The following CCL23 variants were observed in gnomAD, a reference collection of about 807,000 sequenced individuals.
The protein encoded by CCL23 is C-C motif chemokine ligand 23, also known as C-C motif chemokine 23.
In CCL23, 10 loss-of-function variants were observed where a neutral mutation model predicts 11.8. The ratio of observed to expected loss-of-function variants is 0.84; its 90% CI spans 0.52 to 1.43. The LOEUF (loss-of-function observed/expected upper bound fraction) is 1.43, where lower values mean the gene tolerates loss of function less well. Ranked by LOEUF, CCL23 falls within the 40% of genes most tolerant of loss-of-function variation. CCL23 has a pLI of 0.00. For missense variants in CCL23, 181 were observed against 170.9 expected (o/e 1.06, Z -0.33); for synonymous variants, 60 against 61.0 (o/e 0.98, Z 0.07).
intron 1 of CCL23, among the ~76,000 whole-genome samples, chr17:36,016,342 G>A (rs1476874451): frequency 6.6e-6 from 1 of 151,926 alleles, no homozygotes; most frequent in Non-Finnish European, 1.5e-5. Context: ...CTCCCCGATA[G>A]GCCCCAGTGT....
chr17:36,016,991 A>G (rs913024132), intron 1 of CCL23, among the ~76,000 whole-genome samples: 1 of 152,022 alleles, frequency 6.6e-6, no homozygotes, highest in Non-Finnish European at 1.5e-5. Flanking sequence ...GTAATGAGAC[A>G]TGTGGGTATA....
At chr17:36,017,694 G>A in intron 1 of CCL23, 128 bp downstream of exon 1, 1 of 841,078 alleles carries the variant, frequency 1.2e-6, no homozygotes, top group Non-Finnish European at 1.9e-6. Context: ...ATACTCTGGT[G>A]CTGCTTTTAA....
rs578235277 is a variant in CCL23, at chr17:36,014,432, G to A, written c.77-39C>T. The A allele has an allele frequency of 1.4e-5, 22 of 1,541,350 alleles. No individual in the cohort carries two copies. In the South Asian group the frequency reaches 2.0e-4, roughly 14 times the overall value. On this transcript the variant is annotated intron_variant, in intron 1 of 3. Coordinates refer to ENST00000615050, the MANE Select transcript of CCL23 (RefSeq NM_005064.6). Reference sequence around the variant, plus strand: ...ACAGGACAGGGAAGGAAATCACTGGGCGGCAGCATTGTTTCAGCATCTCCA... The same window carrying A: ...ACAGGACAGGGAAGGAAATCACTGGACGGCAGCATTGTTTCAGCATCTCCA...
At chr17:36,015,068 A>G (rs578202104) in intron 1 of CCL23, among the ~76,000 whole-genome samples, 20 of 152,270 alleles carry the variant, frequency 1.3e-4, no homozygotes, top group Admixed American at 5.2e-4. Flanking sequence ...CCGTTCATTC[A>G]TTTTGTGAAA....
Position 36,017,822 on chromosome 17 carries a change from C to T in CCL23, c.76G>A (p.Asp26Asn). The T allele has an allele frequency of 6.2e-7, 1 of 1,614,086 alleles. No individual in the cohort carries two copies. Among genetic ancestry groups the T allele is most frequent in the Non-Finnish European group, 8.5e-7 (1 of 1,179,990 alleles). Reference sequence around the variant, plus strand: ...CTGAGAGAAAGCTCACTGGACTCACCTTTTGTGACCCGGGCCTGGGATCCA... The same window carrying T: ...CTGAGAGAAAGCTCACTGGACTCACTTTTTGTGACCCGGGCCTGGGATCCA... Reference protein sequence around the residue: ...ALGSQARVTKDAETEFMMSKL... With the variant: ...ALGSQARVTKNAETEFMMSKL... The change falls in exon 1 of 4, where the codon GAT becomes AAT. Residue 26 changes from aspartate to asparagine, a missense_variant and splice_region_variant. Coordinates refer to ENST00000615050, the MANE Select transcript of CCL23 (RefSeq NM_005064.6).
chr17:36,015,059 C>A (rs1183446307), intron 1 of CCL23, among the ~76,000 whole-genome samples: 1 of 152,032 alleles, frequency 6.6e-6, no homozygotes, highest in South Asian at 2.1e-4. Flanking sequence ...TTTTCACGGC[C>A]GTTCATTCAT....
Position 36,013,751 on chromosome 17 carries a change from C to T in CCL23, c.295G>A (p.Gly99Ser), listed in dbSNP as rs1192636143. 2 of 1,613,976 alleles carry T rather than the reference C, an allele frequency of 1.2e-6. No homozygotes were observed. Among genetic ancestry groups the T allele is most frequent in the African/African-American group, 2.7e-5 (2 of 74,910 alleles). The change falls in exon 3 of 4, where the codon GGT becomes AGT. Residue 99 changes from glycine to serine, a missense_variant. Gly to Ser is a moderately conservative substitution (Grantham distance 56, BLOSUM62 0). Coordinates refer to ENST00000615050, the MANE Select transcript of CCL23 (RefSeq NM_005064.6). The part of the protein sequence containing the change: ...FETNSECSKP[G>S]VIFLTKKGRR... Reference sequence around the variant, plus strand: ...GGTGAGCTTGGCACCTACATGACACCCGGCTTGGAGCACTCGCTGTTCGTT... The same window carrying T: ...GGTGAGCTTGGCACCTACATGACACTCGGCTTGGAGCACTCGCTGTTCGTT...
Position 36,013,767 on chromosome 17 carries a change from G to T in CCL23, c.279C>A (p.Ser93Arg). 1 of 1,614,150 alleles carries T rather than the reference G, an allele frequency of 6.2e-7. No individual in the cohort carries two copies. The highest frequency in any genetic ancestry group is 8.5e-7 in the Non-Finnish European group (1 of 1,180,010). Residue 93 changes from serine (S) to arginine (R), a missense_variant, in exon 3 of 4, where the codon AGC (serine) becomes AGA (arginine). By Grantham distance (110) the Ser-to-Arg change is moderately radical. Coordinates refer to ENST00000615050, the MANE Select transcript of CCL23 (RefSeq NM_005064.6). ...ACATGACACCCGGCTTGGAGCACTC[G>T]CTGTTCGTTTCAAAGTAACTCTCCA... ...SLLESYFETN[S>R]ECSKPGVIFL...
In CCL23 at chr17:36,013,229, G is replaced by C. The variant is rs527342285; in HGVS notation, c.382C>G (p.Leu128Val). 1.9e-5 allele frequency: 31 copies of C among 1,613,134 alleles called. 1 individual carries two copies. In the South Asian group the frequency reaches 2.9e-4, roughly 15 times the overall value. Residue 128 changes from leucine to valine, a missense_variant, in exon 4 of 4, where the codon CTG becomes GTG. Transcript: ENST00000615050. ...QVQVCMRMLK[L>V]DTRIKTRKN is the part of the protein sequence containing the mutation. Reference sequence around the variant, plus strand: ...TTCCTGGTCTTGATCCGTGTGTCCAGCTTCAGCATTCTCATGCAAACCTGA... The same window carrying C: ...TTCCTGGTCTTGATCCGTGTGTCCACCTTCAGCATTCTCATGCAAACCTGA...
chr17:36,015,202 C>G (rs1184617224), intron 1 of CCL23, among the ~76,000 whole-genome samples: 3 of 152,182 alleles, frequency 2.0e-5, no homozygotes, highest in Admixed American at 1.3e-4. Flanking sequence ...GAATCATACA[C>G]TATTTGTCCT....
In CCL23 at chr17:36,013,439, C is replaced by A. The variant is rs142441594; in HGVS notation, c.303-131G>T. The A allele has an allele frequency of 6.3e-6, 4 of 638,110 alleles. No homozygotes were observed. The East Asian group carries it at 1.1e-4, about 17-fold the overall frequency. The allele number at this position is 638,110 out of a possible 1,614,324, so 39.5% of individuals were successfully genotyped here. The stretch of plus-strand genomic sequence containing the variant: ...GTTTTTTTTTCTTTTTTTTTTCATT[C>A]TCTGCTGATGGCAGCTCAGGGCCAT... On this transcript the variant is annotated intron_variant, in intron 3 of 3. Coordinates refer to ENST00000615050, the MANE Select transcript of CCL23 (RefSeq NM_005064.6).
chr17:36,016,257 C>T (rs1288099523), intron 1 of CCL23, among the ~76,000 whole-genome samples: 1 of 151,912 alleles, frequency 6.6e-6, no homozygotes, highest in African/African-American at 2.4e-5. Context: ...GTTTGCTGTA[C>T]CTATCAACCC....
At chr17:36,017,670 AC>A in intron 1 of CCL23, 151 bp downstream of exon 1, 1 of 701,046 alleles carries the variant, frequency 1.4e-6, no homozygotes, top group Non-Finnish European at 2.4e-6. Flanking sequence ...AAGCCTGCAG[AC>A]AGAACCAGGT....
rs1309544977 is a variant in CCL23 at position 36,013,898 on chromosome 17, T to C, written c.148A>G (p.Arg50Gly). ...AGGGTCATCTGAGGACCAATCTTTCTCCTCCAGAGCACTGTGGAGGGTGAG... is the reference window on the plus strand; with the variant it reads ...AGGGTCATCTGAGGACCAATCTTTCCCCTCCAGAGCACTGTGGAGGGTGAG... Reference protein sequence around the residue: ...NPVLLDMLWRRKIGPQMTLSH... With the variant: ...NPVLLDMLWRGKIGPQMTLSH... Residue 50 changes from arginine to glycine, a missense_variant, in exon 3 of 4, where the codon AGA becomes GGA. Coordinates refer to ENST00000615050, the MANE Select transcript of CCL23 (RefSeq NM_005064.6). The C allele has an allele frequency of 1.2e-6, 2 of 1,614,000 alleles. No homozygotes were observed. The highest frequency in any genetic ancestry group is 1.7e-6 in the Non-Finnish European group (2 of 1,180,004).
chr17:36,017,755 G>T, intron 1 of CCL23, 67 bp downstream of exon 1: 1 of 1,436,190 alleles, frequency 7.0e-7, no homozygotes, highest in Non-Finnish European at 9.8e-7. Context: ...GGAGGGCAAT[G>T]TGTCTCTGCC....
At chr17:36,014,031 A>G in intron 2 of CCL23, 122 bp from the exon 3 acceptor site, 1 of 995,498 alleles carries the variant, frequency 1.0e-6, no homozygotes, top group South Asian at 1.5e-5. Flanking sequence ...GAGGGCACTC[A>G]GGGTGGGCCA....
chr17:36,017,851 G>A lies in CCL23; in HGVS notation c.47C>T (p.Ala16Val). 6.2e-7 allele frequency: 1 copy of A among 1,614,138 alleles called. No homozygotes were observed. Among genetic ancestry groups the A allele is most frequent in the Non-Finnish European group, 8.5e-7 (1 of 1,180,032 alleles). ...AALSCLMLVT[A>V]LGSQARVTKD... The stretch of plus-strand genomic sequence containing the variant: ...TGTGACCCGGGCCTGGGATCCAAGG[G>A]CAGTAACAAGCATGAGGCAGGAGAG... Residue 16 changes from alanine (A) to valine (V), a missense_variant, in exon 1 of 4, where the codon GCC (alanine) becomes GTC (valine). Transcript: ENST00000615050.
At chr17:36,013,566 TC>T in intron 3 of CCL23, 177 bp downstream of exon 3, 1 of 644,908 alleles carries the variant, frequency 1.6e-6, no homozygotes, top group Non-Finnish European at 2.7e-6. Context: ...CCCACCCTTT[TC>T]CCCCTGGGAG....
chr17:36,014,291 C>T (rs759864996), intron 2 of CCL23, 43 bp downstream of exon 2: 3 of 1,429,630 alleles, frequency 2.1e-6, no homozygotes, highest in Non-Finnish European at 3.0e-6. Flanking sequence ...CAGACCTGCA[C>T]CTGCTGGCTG....
Sources: gnomAD v4.1 joint callset for allele counts (sites outside exome capture counted in the v4.1 genomes callset) on GRCh38, gnomAD v4.1.1 for gene constraint, MANE v1.5 for transcripts, NCBI Gene and HGNC (gene_info 2026-07-23, HGNC 2026-07-21) for gene names.